Variants in APBB2 observed in about 807,000 individuals in gnomAD.
APBB2 encodes Fe65-like 1.
APBB2 carries 38 observed loss-of-function variants against 82.5 expected under a neutral mutation model. The ratio of observed to expected loss-of-function variants is 0.46; its 90% confidence interval spans 0.36 to 0.60. The LOEUF is 0.60. Among genes scored for constraint, APBB2 ranks in the 20% least tolerant of loss-of-function variants. The pLI is 0.00. For synonymous variants in APBB2, 341 were observed against 368.2 expected, an observed-to-expected ratio of 0.93 and a Z score of 0.85; for missense variants, 772 against 972.3, an observed-to-expected ratio of 0.79 and a Z score of 2.74.
chr4:41,119,850 G>C (rs890549401), intron 2 of APBB2, among the ~76,000 whole-genome samples: 1 of 152,110 alleles, frequency 6.6e-6, no homozygotes, highest in African/African-American at 2.4e-5. Context: ...GTGTTTTTTA[G>C]ATCAAACTCC....
At chr4:40,860,267 A>C (rs1304225111) in intron 12 of APBB2, among the ~76,000 whole-genome samples, 2 of 152,144 alleles carry the variant, frequency 1.3e-5, no homozygotes, top group Admixed American at 1.3e-4. Context: ...AGAGGGTCTA[A>C]TAGGGTGATC....
At chr4:40,857,948 G>A (rs1578018516) in intron 12 of APBB2, among the ~76,000 whole-genome samples, 1 of 152,118 alleles carries the variant, frequency 6.6e-6, no homozygotes, top group East Asian at 1.9e-4. Context: ...ATTCTGAATC[G>A]AGCTGGAAAG....
At chr4:41,133,126 T>A (rs1756550065) in intron 2 of APBB2, among the ~76,000 whole-genome samples, 1 of 152,202 alleles carries the variant, frequency 6.6e-6, no homozygotes, top group African/African-American at 2.4e-5. Flanking sequence ...ATTTTTTTCA[T>A]TTTTTATATA....
chr4:41,114,266 T>C (rs140571241), intron 2 of APBB2, among the ~76,000 whole-genome samples: 328 of 152,302 alleles, frequency 2.2e-3, no homozygotes, highest in African/African-American at 7.4e-3. Context: ...TTCGATAAAA[T>C]TCAACACCTC....
chr4:41,211,623 C>G (rs1476657551), intron 1 of APBB2, among the ~76,000 whole-genome samples: 1 of 152,020 alleles, frequency 6.6e-6, no homozygotes, highest in African/African-American at 2.4e-5. Context: ...GCTGGGATTA[C>G]AGGCGGGAGC....
intron 6 of APBB2, among the ~76,000 whole-genome samples, chr4:40,969,075 A>G (rs1795346772): frequency 1.3e-5 from 2 of 152,198 alleles, no homozygotes; most frequent in Admixed American, 1.3e-4. Flanking sequence ...CCCCAGCCAC[A>G]TGGAACTGTG....
intron 10 of APBB2, among the ~76,000 whole-genome samples, chr4:40,930,460 C>CGCGCGCGTGTGTGT (rs1783906256): frequency 7.2e-6 from 1 of 138,866 alleles, no homozygotes; most frequent in African/African-American, 3.1e-5. Flanking sequence ...CGCGCGCGCG[C>CGCGCGCGTGTGTGT]GCGCGCGTGC....
At position 40,832,013 on chromosome 4, in the gene APBB2, T is replaced by TACACACACACACACAC. The variant is rs1553930075; in HGVS notation, c.1530-1452_1530-1437dup. On this transcript the variant is annotated intron_variant, in intron 12 of 17. Transcript: ENST00000508593. This position sits in a 1 kb window ranked among gnomAD's most constrained non-coding sequence, Gnocchi z 4.8. ...ACACATATTTATATATTTATTTATA[T>TACACACACACACACAC]ACACACACACACACACACACACACA... is the stretch of plus-strand genomic sequence containing the variant. Among the ~76,000 whole-genome samples, 941 of 138,916 alleles carry TACACACACACACACAC rather than the reference T, an allele frequency of 6.8e-3. 3 individuals are homozygous for TACACACACACACACAC. Among genetic ancestry groups the TACACACACACACACAC allele is most frequent in the African/African-American group, 0.014 (518 of 37,098 alleles). 91.1% of individuals were successfully genotyped at this position (138,916 alleles called of 152,430 possible).
chr4:41,014,303 G>C lies in APBB2; in HGVS notation c.115C>G (p.Leu39Val). Residue 39 changes from leucine to valine, a missense_variant, in exon 6 of 18, where the codon CTT becomes GTT. By Grantham distance (32) the Leu-to-Val change is conservative. Transcript: ENST00000508593. ...TCATTGTGGGAGGATCGGAGGTTAA[G>C]GGTGTTTGGTGGTGTGGCTGGGCTG... is the stretch of plus-strand genomic sequence containing the variant. ...RNSPATPPNTLNLRSSHNELL... is the reference protein window; with the variant it reads ...RNSPATPPNTVNLRSSHNELL... 6.2e-7 allele frequency: 1 copy of C among 1,614,182 alleles called. No homozygotes were observed.
intron 16 of APBB2, 107 bp from the exon 17 acceptor site, chr4:40,822,157 G>GA: frequency 7.5e-7 from 1 of 1,326,548 alleles, no homozygotes; most frequent in Non-Finnish European, 1.1e-6. Flanking sequence ...GCCGAATTCA[G>GA]AAAGGACCTG....
intron 12 of APBB2, among the ~76,000 whole-genome samples, chr4:40,854,225 T>C (rs372169165): frequency 2.6e-5 from 4 of 152,306 alleles, no homozygotes; most frequent in African/African-American, 9.6e-5. Context: ...GCCCGAGGAA[T>C]CCAAAAGTCT....
rs1560913329 is a variant in APBB2, at chr4:41,159,960, GGAGAAGAAGAAGAAGA to G, written c.-416-16834_-416-16819del. ...AGGAGGAGGAGAAGGAGAAGGAGAA[GGAGAAGAAGAAGAAGA>G]AGAAGAAGAAGAAGAAGAAGAAGAA... On this transcript the variant is annotated intron_variant, in intron 1 of 17. Coordinates refer to ENST00000508593, the MANE Select transcript of APBB2 (RefSeq NM_004307.2). 9.7e-5 allele frequency among the ~76,000 whole-genome samples: 7 copies of G among 72,246 alleles called. No individual in the cohort carries two copies. The East Asian group carries it at 1.1e-3, about 12-fold the overall frequency. 47.4% of individuals were successfully genotyped at this position (72,246 alleles called of 152,430 possible). A position where few individuals can be genotyped will look rare whatever the true frequency, so the allele number is the denominator to read the frequency against.
intron 6 of APBB2, among the ~76,000 whole-genome samples, chr4:41,000,887 G>A (rs1805029150): frequency 6.6e-6 from 1 of 152,138 alleles, no homozygotes; most frequent in Admixed American, 6.6e-5. Context: ...CAGAGAGAGA[G>A]ATAGGACATC....
intron 1 of APBB2, among the ~76,000 whole-genome samples, chr4:41,146,495 G>GA (rs1177580502): frequency 3.3e-5 from 5 of 151,578 alleles, no homozygotes; most frequent in Admixed American, 1.3e-4. Flanking sequence ...CCCCGTCTCA[G>GA]AAAAAAAAGA....
chr4:40,851,583 C>T (rs868811754), intron 12 of APBB2, among the ~76,000 whole-genome samples: 34 of 151,994 alleles, frequency 2.2e-4, no homozygotes, highest in Admixed American at 1.6e-3. Flanking sequence ...ATTATTCCAA[C>T]TGCTATAATT....
At chr4:41,142,676 T>C (rs1483526376) in intron 2 of APBB2, among the ~76,000 whole-genome samples, 2 of 152,208 alleles carry the variant, frequency 1.3e-5, no homozygotes, top group African/African-American at 2.4e-5. Context: ...GAAGTTGGCA[T>C]AGGTGGCTTC....
At chr4:41,108,748 A>C (rs1259305617) in intron 2 of APBB2, among the ~76,000 whole-genome samples, 1 of 152,206 alleles carries the variant, frequency 6.6e-6, no homozygotes, top group Non-Finnish European at 1.5e-5. Context: ...ACCCAGGCCT[A>C]CAGCCTTCAG....
chr4:40,926,832 A>C (rs746422030), intron 10 of APBB2, among the ~76,000 whole-genome samples: 3 of 152,258 alleles, frequency 2.0e-5, no homozygotes, highest in Non-Finnish European at 4.4e-5. Flanking sequence ...TAGCTGTGTG[A>C]TAAATTGACG....
At chr4:41,054,425 A>G (rs965526213) in intron 4 of APBB2, among the ~76,000 whole-genome samples, 4 of 152,128 alleles carry the variant, frequency 2.6e-5, no homozygotes, top group African/African-American at 9.7e-5. Flanking sequence ...GTCGAGGCTG[A>G]TCTCCACACC....
Sources: gnomAD v4.1 joint callset for allele counts (sites outside exome capture counted in the v4.1 genomes callset) on GRCh38, gnomAD v4.1.1 for gene constraint, Gnocchi (gnomAD v3.1) non-coding constraint, MANE v1.5 for transcripts, NCBI Gene and HGNC (gene_info 2026-07-23, HGNC 2026-07-21) for gene names.